The following UBE2E2 variants were observed in gnomAD, a reference collection of about 807,000 sequenced individuals.
The protein encoded by UBE2E2 is ubiquitin conjugating enzyme E2 E2, also known as ubiquitin-conjugating enzyme E2 E2.
In UBE2E2, 6 loss-of-function variants were observed where a neutral mutation model predicts 24.7. The observed-to-expected ratio is 0.24, with a 90% CI of 0.13 to 0.48. UBE2E2 has a LOEUF of 0.48. Among genes scored for constraint, UBE2E2 ranks in the 20% least tolerant of loss-of-function variants. UBE2E2 has a pLI of 0.99. For missense variants in UBE2E2, 169 were observed against 245.0 expected (o/e 0.69, Z 2.07); for synonymous variants, 104 against 83.6 (o/e 1.24, Z -1.33).
chr3:23,403,255 G>A (rs1697275011), intron 3 of UBE2E2, among the ~76,000 whole-genome samples: 1 of 152,190 alleles, frequency 6.6e-6, no homozygotes, highest in Non-Finnish European at 1.5e-5. Context: ...TATGGACACT[G>A]CAGTGACTGT....
chr3:23,483,425 T>C (rs1177531487), intron 3 of UBE2E2, among the ~76,000 whole-genome samples: 1 of 152,234 alleles, frequency 6.6e-6, no homozygotes, highest in Non-Finnish European at 1.5e-5. Context: ...TTAATTCTTA[T>C]TATAACTTCA....
At chr3:23,326,423 AG>A (rs1482770628) in intron 3 of UBE2E2, among the ~76,000 whole-genome samples, 1 of 152,192 alleles carries the variant, frequency 6.6e-6, no homozygotes, top group Non-Finnish European at 1.5e-5. Context: ...TGGCTTTTCA[AG>A]ATTTTTCAAA....
At chr3:23,554,452 T>A (rs1474586080) in intron 5 of UBE2E2, among the ~76,000 whole-genome samples, 1 of 151,916 alleles carries the variant, frequency 6.6e-6, no homozygotes, top group Non-Finnish European at 1.5e-5. Context: ...GAGTTAGAGG[T>A]CACAGTGAGC....
intron 3 of UBE2E2, among the ~76,000 whole-genome samples, chr3:23,245,064 T>C (rs1575499320): frequency 6.6e-6 from 1 of 152,260 alleles, no homozygotes; most frequent in East Asian, 1.9e-4. Context: ...AATGAGAATA[T>C]CCTTTGGGCT....
At chr3:23,268,770 G>A (rs956876997) in intron 3 of UBE2E2, among the ~76,000 whole-genome samples, 3 of 148,904 alleles carry the variant, frequency 2.0e-5, no homozygotes, top group Admixed American at 2.0e-4. Flanking sequence ...AAAGAACGAA[G>A]CTGGAGGCAT....
chr3:23,218,583 C>T (rs1336342100), intron 3 of UBE2E2, among the ~76,000 whole-genome samples: 2 of 151,838 alleles, frequency 1.3e-5, no homozygotes, highest in African/African-American at 4.8e-5. Context: ...TAATATATTA[C>T]ATATATTATT....
At chr3:23,328,270 T>G (rs891666585) in intron 3 of UBE2E2, among the ~76,000 whole-genome samples, 2 of 152,210 alleles carry the variant, frequency 1.3e-5, no homozygotes, top group Non-Finnish European at 2.9e-5. Flanking sequence ...TGTGTCATCT[T>G]TGAATCTATA....
chr3:23,264,356 CAAAA>C (rs545737329), intron 3 of UBE2E2, among the ~76,000 whole-genome samples: 5 of 131,374 alleles, frequency 3.8e-5, no homozygotes, highest in African/African-American at 5.7e-5. Flanking sequence ...AAATAAAAAA[CAAAA>C]AAAGGAAAAG....
intron 3 of UBE2E2, among the ~76,000 whole-genome samples, chr3:23,376,277 T>G (rs1489823356): frequency 1.3e-5 from 2 of 152,190 alleles, no homozygotes; most frequent in Non-Finnish European, 2.9e-5. Flanking sequence ...CCAGCCTGTT[T>G]TAGACTTTTT....
intron 3 of UBE2E2, among the ~76,000 whole-genome samples, chr3:23,286,373 TC>T (rs1477407986): frequency 6.6e-6 from 1 of 152,298 alleles, no homozygotes; most frequent in East Asian, 1.9e-4. Context: ...CATATGGACA[TC>T]CAGTTTTCCT....
At chr3:23,293,243 C>A (rs951817619) in intron 3 of UBE2E2, among the ~76,000 whole-genome samples, 1 of 152,168 alleles carries the variant, frequency 6.6e-6, no homozygotes, top group Non-Finnish European at 1.5e-5. Context: ...ACCCCTACCC[C>A]AATTCTGTTT....
At chr3:23,458,023 A>G (rs1559389572) in intron 3 of UBE2E2, among the ~76,000 whole-genome samples, 3 of 152,128 alleles carry the variant, frequency 2.0e-5, no homozygotes, top group Admixed American at 6.5e-5. Context: ...AATTTCATGC[A>G]AGAACTTCTC....
Position 23,208,715 on chromosome 3 carries a change from C to T in UBE2E2, c.16C>T (p.Gln6Ter). The T allele has an allele frequency of 6.2e-7, 1 of 1,608,050 alleles. No homozygotes were observed. Among genetic ancestry groups the T allele is most frequent in the Non-Finnish European group, 8.5e-7 (1 of 1,177,592 alleles). The change falls in exon 2 of 6, where the codon CAA (glutamine) becomes TAA (stop). Residue 6 changes from glutamine to a stop codon, truncating the protein, a stop_gained. Coordinates refer to ENST00000396703, the MANE Select transcript of UBE2E2 (RefSeq NM_152653.4). LOFTEE classifies it high-confidence loss of function. ...AGGATCTAAAATGTCCACTGAGGCA[C>T]AAAGAGTTGATGACAGTCCAAGCAC... is the stretch of plus-strand genomic sequence containing the variant. MSTEA[Q>*]RVDDSPSTSG...
intron 3 of UBE2E2, among the ~76,000 whole-genome samples, chr3:23,450,804 C>T (rs9830742): frequency 0.63 from 95,437 of 152,034 alleles, 31,440 homozygotes; most frequent in African/African-American, 0.83. Context: ...GAATATAAAA[C>T]ACCTTACATT....
chr3:23,522,385 G>A (rs1278533426), intron 4 of UBE2E2, among the ~76,000 whole-genome samples: 1 of 152,152 alleles, frequency 6.6e-6, no homozygotes, highest in East Asian at 1.9e-4. Flanking sequence ...GCCCGCCTCG[G>A]CCTTCCAAAG....
intron 3 of UBE2E2, among the ~76,000 whole-genome samples, chr3:23,482,557 G>A (rs1472870220): frequency 4.6e-5 from 7 of 152,068 alleles, no homozygotes; most frequent in South Asian, 2.1e-4. Flanking sequence ...CCCTTTGACC[G>A]AAAACCCATC....
intron 5 of UBE2E2, among the ~76,000 whole-genome samples, chr3:23,586,139 T>C (rs1696620846): frequency 6.6e-6 from 1 of 152,216 alleles, no homozygotes; most frequent in African/African-American, 2.4e-5. Flanking sequence ...AAGTAGTTTG[T>C]AGCCTTTTTC....
intron 5 of UBE2E2, among the ~76,000 whole-genome samples, chr3:23,537,378 G>A (rs936427600): frequency 6.6e-6 from 1 of 152,142 alleles, no homozygotes; most frequent in African/African-American, 2.4e-5. Context: ...CCCTCTCCCT[G>A]CATCACCTTT....
At chr3:23,214,086 T>A (rs1696402146) in intron 2 of UBE2E2, among the ~76,000 whole-genome samples, 2 of 152,184 alleles carry the variant, frequency 1.3e-5, no homozygotes, top group South Asian at 4.1e-4. Flanking sequence ...TCAAGAGACA[T>A]ACAACCATTT....
Sources: allele counts gnomAD v4.1 joint callset (sites outside exome capture counted in the v4.1 genomes callset), GRCh38; gene constraint gnomAD v4.1.1; transcripts MANE v1.5; gene names NCBI Gene and HGNC (gene_info 2026-07-23, HGNC 2026-07-21).